The following UNC13D variants were observed in gnomAD, a reference collection of about 807,000 sequenced individuals.
UNC13D encodes the protein unc-13 homolog D.
UNC13D carries 115 observed loss-of-function variants against 151.7 expected under a neutral mutation model. The observed-to-expected ratio is 0.76, with a 90% CI of 0.65 to 0.88. The LOEUF (loss-of-function observed/expected upper bound fraction) is 0.88. Among genes scored for constraint, UNC13D ranks in the 40% least tolerant of loss-of-function variants. The pLI is 0.00. For missense variants in UNC13D, 1,369 were observed against 1,438.7 expected, an observed-to-expected ratio of 0.95 and a Z score of 0.78; for synonymous variants, 588 against 612.2, an observed-to-expected ratio of 0.96 and a Z score of 0.58.
chr17:75,828,698 C>G (rs1350702334), intron 31 of UNC13D, 89 bp downstream of exon 31: 2 of 1,373,532 alleles, frequency 1.5e-6, no homozygotes, highest in Non-Finnish European at 1.9e-6. Context: ...GGAAGCTGTT[C>G]TCCGACCCTG....
In UNC13D at chr17:75,840,944, C is replaced by T. The variant is rs1292181209; in HGVS notation, c.614+13G>A. On this transcript the variant is annotated intron_variant, in intron 7 of 31. Transcript: ENST00000207549. The surrounding 1 kb of genome is among the most constrained non-coding windows in gnomAD (Gnocchi z 4.6). ...TTCCCTTCCCATCCCTAGGGGCAGG[C>T]CAGGTCACTCACCACATGTCCAGAT... 2 of 1,614,034 alleles carry T rather than the reference C, an allele frequency of 1.2e-6. No individual in the cohort carries two copies. The highest frequency in any genetic ancestry group is 3.3e-5 in the Admixed American group (2 of 59,988).
Position 75,840,277 on chromosome 17 carries a change from G to A in UNC13D, c.806C>T (p.Thr269Ile), listed in dbSNP as rs2064938528. Residue 269 changes from threonine to isoleucine, a missense_variant, in exon 10 of 32, where the codon ACC becomes ATC. Thr to Ile is a moderately conservative substitution (Grantham distance 89). This residue lies in a region of UNC13D where 550 missense variants were observed against 609.0 expected (regional missense o/e 0.90). Transcript: ENST00000207549. This position sits in a 1 kb window ranked among gnomAD's most constrained non-coding sequence, Gnocchi z 4.6. ...QWYPLEPRTE[T>I]YPDRGQCHLQ... ...GTGGCACTGGCCTCGGTCTGGGTAG[G>A]TCTCAGTGCGGGGTTCCAGGGGGTA... is the stretch of plus-strand genomic sequence containing the variant. 1.2e-6 allele frequency: 2 copies of A among 1,613,976 alleles called. No individual in the cohort carries two copies. The highest frequency in any genetic ancestry group is 2.2e-5 in the East Asian group (1 of 44,880).
rs1310636716 is a variant in UNC13D at position 75,833,884 on chromosome 17, G to A, written c.2367+191C>T. On this transcript the variant is annotated intron_variant, in intron 24 of 31. Coordinates refer to ENST00000207549, the MANE Select transcript of UNC13D (RefSeq NM_199242.3). This position sits in a 1 kb window ranked among gnomAD's most constrained non-coding sequence, Gnocchi z 4.0. ...CCCAACTGCAGCCCCCTCATTGACT[G>A]TCAGTGCTGGGACAGCCAGTGGAGT... Among the ~76,000 whole-genome samples the A allele has an allele frequency of 1.3e-5, 2 of 152,192 alleles. No individual in the cohort carries two copies. The highest frequency in any genetic ancestry group is 1.3e-4 in the Admixed American group (2 of 15,278).
At position 75,827,494 on chromosome 17, in the gene UNC13D, C is replaced by G. The variant is rs762499514; in HGVS notation, c.*471G>C. The G allele has an allele frequency of 3.3e-6, 5 of 1,513,772 alleles. No homozygotes were observed. The South Asian group carries it at 3.7e-5, about 11-fold the overall frequency. 93.8% of individuals were successfully genotyped at this position (1,513,772 alleles called of 1,614,324 possible). A position where few individuals can be genotyped will look rare whatever the true frequency, so the allele number is the denominator to read the frequency against. Reference sequence around the variant, plus strand: ...TCTAGTAATGGCCACCACCCTCCCCCCAGGGCAGCTGGAGCCTCATCTTTG... The same window carrying G: ...TCTAGTAATGGCCACCACCCTCCCCGCAGGGCAGCTGGAGCCTCATCTTTG... On this transcript the variant is annotated 3_prime_UTR_variant, in exon 32 of 32. Transcript: ENST00000207549.
rs889868128 is a variant in UNC13D, at chr17:75,833,683, A to G, written c.2367+392T>C. On this transcript the variant is annotated intron_variant, in intron 24 of 31. Coordinates refer to ENST00000207549, the MANE Select transcript of UNC13D (RefSeq NM_199242.3). The surrounding 1 kb of genome is among the most constrained non-coding windows in gnomAD (Gnocchi z 4.0). Reference sequence around the variant, plus strand: ...AATCAATGCATAGGACAAAGTGGGGACCTAATAAATAGTTGGTGAATGAAT... The same window carrying G: ...AATCAATGCATAGGACAAAGTGGGGGCCTAATAAATAGTTGGTGAATGAAT... Among the ~76,000 whole-genome samples the G allele has an allele frequency of 6.6e-6, 1 of 152,184 alleles. No homozygotes were observed. The highest frequency in any genetic ancestry group is 1.5e-5 in the Non-Finnish European group (1 of 68,036).
chr17:75,830,670 A>G lies in UNC13D; in HGVS notation c.2626-9T>C, dbSNP rs1364943409. The G allele has an allele frequency of 6.4e-7, 1 of 1,553,230 alleles. No individual in the cohort carries two copies. Among genetic ancestry groups the G allele is most frequent in the Non-Finnish European group, 8.7e-7 (1 of 1,148,590 alleles). ...AGGTCCCTCTGCAGAGCCTGGGAAC[A>G]CATACAGCTGAGGATCCACCTGGAC... On this transcript the variant is annotated splice_polypyrimidine_tract_variant and intron_variant, in intron 27 of 31. Coordinates refer to ENST00000207549, the MANE Select transcript of UNC13D (RefSeq NM_199242.3).
intron 30 of UNC13D, among the ~76,000 whole-genome samples, chr17:75,829,206 A>G (rs1197080911): frequency 6.6e-6 from 1 of 152,256 alleles, no homozygotes; most frequent in African/African-American, 2.4e-5. Flanking sequence ...CTGAGGAACT[A>G]GGAGCAGGTT....
chr17:75,831,442 AC>A, intron 25 of UNC13D, 94 bp from the exon 26 acceptor site: 1 of 1,117,508 alleles, frequency 8.9e-7, no homozygotes, highest in Non-Finnish European at 1.3e-6. Context: ...GGCCTCAGTG[AC>A]CCAGCCCCAC....
chr17:75,830,159 G>C lies in UNC13D; in HGVS notation c.2831-8C>G. On this transcript the variant is annotated splice_region_variant and splice_polypyrimidine_tract_variant and intron_variant, in intron 29 of 31. Transcript: ENST00000207549. The stretch of plus-strand genomic sequence containing the variant: ...CAAAGGGGTCGCTGGAGCCTGGTAA[G>C]TGGCCGGGGAGTGTGCGTCAGCTGA... The C allele has an allele frequency of 6.3e-7, 1 of 1,588,016 alleles. No individual in the cohort carries two copies. Among genetic ancestry groups the C allele is most frequent in the Non-Finnish European group, 8.6e-7 (1 of 1,167,824 alleles).
At chr17:75,843,120 C>T (rs746015263) in intron 3 of UNC13D, 39 bp downstream of exon 3, 4 of 1,608,710 alleles carry the variant, frequency 2.5e-6, no homozygotes, top group Non-Finnish European at 2.5e-6. Context: ...CCAGACAGGG[C>T]AGCTGCAGGA....
chr17:75,844,113 G>A, intron 1 of UNC13D, 108 bp downstream of exon 1: 2 of 1,526,576 alleles, frequency 1.3e-6, no homozygotes, highest in Non-Finnish European at 1.8e-6. Flanking sequence ...GAGGGTCGCT[G>A]GTCCCCAGTC....
chr17:75,834,831 G>A (rs1322811583), intron 21 of UNC13D, 89 bp downstream of exon 21: 1 of 1,611,140 alleles, frequency 6.2e-7, no homozygotes, highest in African/African-American at 1.3e-5. Flanking sequence ...GGCCTTGGGA[G>A]GCTGCCTGGG....
chr17:75,842,013 C>T (rs546317384), intron 6 of UNC13D, among the ~76,000 whole-genome samples: 1 of 152,070 alleles, frequency 6.6e-6, no homozygotes, highest in East Asian at 1.9e-4. Context: ...TCCCAAAATG[C>T]TGGGATTATA....
intron 6 of UNC13D, among the ~76,000 whole-genome samples, chr17:75,841,971 T>A (rs2064952886): frequency 6.6e-6 from 1 of 151,726 alleles, no homozygotes. Context: ...ATGGTCTCAA[T>A]CTCCTGACCT....
At chr17:75,841,426 A>G (rs2064948476) in intron 6 of UNC13D, among the ~76,000 whole-genome samples, 1 of 144,034 alleles carries the variant, frequency 6.9e-6, no homozygotes, top group African/African-American at 2.6e-5. Context: ...TACAAGCGTG[A>G]GCCACCGCGC....
Position 75,833,143 on chromosome 17 carries a change from C to A in UNC13D, c.2368-98G>T. On this transcript the variant is annotated intron_variant, in intron 24 of 31. Coordinates refer to ENST00000207549, the MANE Select transcript of UNC13D (RefSeq NM_199242.3). The surrounding 1 kb of genome is among the most constrained non-coding windows in gnomAD (Gnocchi z 4.0). ...TGGAGGGAGGAAACAGGGCTGGGAA[C>A]CGTTCTGTGAGAGCAGTTTGTAGTG... 1 of 1,269,276 alleles carries A rather than the reference C, an allele frequency of 7.9e-7. No homozygotes were observed. The highest frequency in any genetic ancestry group is 1.3e-5 in the South Asian group (1 of 77,224). 78.6% of individuals were successfully genotyped at this position (1,269,276 alleles called of 1,614,324 possible).
At chr17:75,843,416 C>T (rs764090501) in intron 2 of UNC13D, 68 bp downstream of exon 2, 53 of 1,576,952 alleles carry the variant, frequency 3.4e-5, no homozygotes, top group Non-Finnish European at 4.0e-5. Context: ...CTGCCATCAG[C>T]GTCGGCCGGC....
Position 75,827,829 on chromosome 17 carries a change from G to A in UNC13D, c.*136C>T. The A allele has an allele frequency of 1.3e-6, 2 of 1,503,776 alleles. No individual in the cohort carries two copies. Among genetic ancestry groups the A allele is most frequent in the Non-Finnish European group, 1.8e-6 (2 of 1,126,640 alleles). The allele number at this position is 1,503,776 out of a possible 1,614,324, so 93.2% of individuals were successfully genotyped here. The stretch of plus-strand genomic sequence containing the variant: ...GGAGGCAGGGGAGGTCTGCACTCTG[G>A]GCACTCCGCATGCTGGGGCTCCCCA... On this transcript the variant is annotated 3_prime_UTR_variant, in exon 32 of 32. Coordinates refer to ENST00000207549, the MANE Select transcript of UNC13D (RefSeq NM_199242.3).
chr17:75,831,050 GGC>G, intron 27 of UNC13D, 46 bp downstream of exon 27: 3 of 1,609,988 alleles, frequency 1.9e-6, no homozygotes, highest in Non-Finnish European at 1.7e-6. Flanking sequence ...AGTGCCAAAA[GGC>G]AGGCTCCCCA....
Sources: gnomAD v4.1 joint callset for allele counts (sites outside exome capture counted in the v4.1 genomes callset) on GRCh38, gnomAD v4.1.1 for gene constraint, gnomAD v4.1.1 regional missense constraint, Gnocchi (gnomAD v3.1) non-coding constraint, MANE v1.5 for transcripts, NCBI Gene and HGNC (gene_info 2026-07-23, HGNC 2026-07-21) for gene names.